The following SYNPR variants were observed in gnomAD, a reference collection of about 807,000 sequenced individuals.
SYNPR encodes synaptoporin.
Under a neutral mutation model 32.9 loss-of-function variants are expected in SYNPR, and 23 were observed. The ratio of observed to expected loss-of-function variants is 0.70; its 90% CI spans 0.50 to 0.99. The LOEUF (loss-of-function observed/expected upper bound fraction) is 0.99. Among genes scored for constraint, SYNPR ranks in the 50% least tolerant of loss-of-function variants. The pLI is 0.00. For missense variants in SYNPR, 318 were observed against 349.3 expected (o/e 0.91, Z 0.71); for synonymous variants, 146 against 135.9 (o/e 1.07, Z -0.52).
chr3:63,242,250 A>G (rs1032837233), intron 1 of SYNPR, among the ~76,000 whole-genome samples: 4 of 152,104 alleles, frequency 2.6e-5, no homozygotes, highest in Non-Finnish European at 4.4e-5. Context: ...TCAGAGTGCT[A>G]TGAGAAGCAG....
intron 2 of SYNPR, among the ~76,000 whole-genome samples, chr3:63,383,473 T>A (rs996371877): frequency 2.6e-5 from 4 of 151,926 alleles, no homozygotes; most frequent in Admixed American, 6.6e-5. Context: ...TCCTACCACT[T>A]TGGGAGGCCA....
intron 2 of SYNPR, among the ~76,000 whole-genome samples, chr3:63,360,087 A>T (rs2087636470): frequency 6.6e-6 from 1 of 152,186 alleles, no homozygotes; most frequent in South Asian, 2.1e-4. Context: ...ATCTCCACCA[A>T]AATGGATCAT....
intron 2 of SYNPR, among the ~76,000 whole-genome samples, chr3:63,294,192 C>T (rs1214093933): frequency 6.6e-6 from 1 of 152,050 alleles, no homozygotes; most frequent in Non-Finnish European, 1.5e-5. Flanking sequence ...CAAGGAATTC[C>T]TCTTTAAAGA....
chr3:63,480,701 C>A, intron 2 of SYNPR, 131 bp from the exon 3 acceptor site: 2 of 1,211,592 alleles, frequency 1.7e-6, no homozygotes, highest in Non-Finnish European at 2.3e-6. Context: ...TCCAGCTGAA[C>A]CAAGGGCAAT....
intron 2 of SYNPR, among the ~76,000 whole-genome samples, chr3:63,475,650 T>A (rs910397489): frequency 1.2e-4 from 18 of 152,114 alleles, no homozygotes; most frequent in Non-Finnish European, 1.5e-5. Flanking sequence ...GCTTATAGTA[T>A]TACAGAGTCA....
intron 2 of SYNPR, among the ~76,000 whole-genome samples, chr3:63,254,370 A>C (rs2086364063): frequency 6.6e-6 from 1 of 152,202 alleles, no homozygotes; most frequent in Non-Finnish European, 1.5e-5. Context: ...GCACTTTTAA[A>C]ACTGTAGGTC....
At chr3:63,430,984 C>A (rs1281881348) in intron 2 of SYNPR, among the ~76,000 whole-genome samples, 1 of 152,166 alleles carries the variant, frequency 6.6e-6, no homozygotes, top group African/African-American at 2.4e-5. Context: ...AATCATGAAT[C>A]CCCCACAGGG....
chr3:63,404,099 A>G (rs901601833), intron 2 of SYNPR, among the ~76,000 whole-genome samples: 1 of 152,212 alleles, frequency 6.6e-6, no homozygotes, highest in African/African-American at 2.4e-5. Flanking sequence ...TTATGTTTTT[A>G]AGAGAAGGCA....
chr3:63,503,153 T>C (rs889468278), intron 3 of SYNPR, among the ~76,000 whole-genome samples: 3 of 152,170 alleles, frequency 2.0e-5, no homozygotes, highest in Admixed American at 6.6e-5. Flanking sequence ...TTAAGAGGTA[T>C]GTAATTGTAT....
chr3:63,338,580 T>C (rs2106997148), intron 2 of SYNPR, among the ~76,000 whole-genome samples: 1 of 152,276 alleles, frequency 6.6e-6, no homozygotes, highest in South Asian at 2.1e-4. Flanking sequence ...TAAGAGCCAA[T>C]AGAGAACTGT....
rs534711622 is a variant in SYNPR at position 63,375,316 on chromosome 3, C to A, written c.84+96574C>A. Among the ~76,000 whole-genome samples, 28 of 152,212 alleles carry A rather than the reference C, an allele frequency of 1.8e-4. 1 individual carries two copies. In the South Asian group the frequency reaches 5.8e-3, roughly 32 times the overall value. ...ATTCACAACAGCAAAGACTTGGAAC[C>A]AACCCAAATGTCCATCAATGATAGA... On this transcript the variant is annotated intron_variant, in intron 2 of 5. Transcript: ENST00000478300.
At chr3:63,353,511 G>A (rs137940411) in intron 2 of SYNPR, among the ~76,000 whole-genome samples, 9 of 152,268 alleles carry the variant, frequency 5.9e-5, no homozygotes, top group African/African-American at 2.2e-4. Flanking sequence ...AAAAGGCTTT[G>A]TCCACACAGC....
At chr3:63,435,508 A>G (rs1335722540) in intron 2 of SYNPR, among the ~76,000 whole-genome samples, 5 of 152,206 alleles carry the variant, frequency 3.3e-5, no homozygotes, top group Non-Finnish European at 7.3e-5. Flanking sequence ...TCATGTTCAG[A>G]AACCTGGGAT....
At chr3:63,291,395 G>C (rs1420866979) in intron 2 of SYNPR, among the ~76,000 whole-genome samples, 2 of 148,580 alleles carry the variant, frequency 1.3e-5, no homozygotes, top group Non-Finnish European at 3.0e-5. Context: ...TTATCAGAGA[G>C]GGCTCGGTAA....
intron 2 of SYNPR, among the ~76,000 whole-genome samples, chr3:63,442,807 T>C (rs1700204064): frequency 1.3e-5 from 2 of 152,176 alleles, no homozygotes; most frequent in Admixed American, 6.5e-5. Flanking sequence ...AGTGTACGAG[T>C]TTCCCAAATG....
intron 3 of SYNPR, among the ~76,000 whole-genome samples, chr3:63,550,210 C>T (rs1702476684): frequency 6.6e-6 from 1 of 150,880 alleles, no homozygotes; most frequent in Non-Finnish European, 1.5e-5. Flanking sequence ...ATAATTGTTG[C>T]TTAAAAGAAC....
At chr3:63,344,045 G>A (rs1045165927) in intron 2 of SYNPR, among the ~76,000 whole-genome samples, 41 of 152,192 alleles carry the variant, frequency 2.7e-4, no homozygotes, top group African/African-American at 9.4e-4. Flanking sequence ...CTGTTCAGAG[G>A]CGGTTCATTT....
intron 2 of SYNPR, among the ~76,000 whole-genome samples, chr3:63,290,282 T>C (rs1343253613): frequency 2.0e-5 from 3 of 152,218 alleles, no homozygotes; most frequent in Non-Finnish European, 4.4e-5. Flanking sequence ...CTCTTAACCA[T>C]TTTTCTGCAT....
intron 2 of SYNPR, among the ~76,000 whole-genome samples, chr3:63,353,538 G>A (rs1012993601): frequency 3.3e-5 from 5 of 152,274 alleles, no homozygotes; most frequent in Non-Finnish European, 2.9e-5. Context: ...GTGGAGATTC[G>A]GGAATTAGCC....
Sources: allele counts gnomAD v4.1 joint callset (sites outside exome capture counted in the v4.1 genomes callset), GRCh38; gene constraint gnomAD v4.1.1; transcripts MANE v1.5; gene names NCBI Gene and HGNC (gene_info 2026-07-23, HGNC 2026-07-21).